The following POR variants were observed in gnomAD, a reference collection of about 807,000 sequenced individuals.
POR encodes the protein NADPH--cytochrome P450 reductase.
In POR, 56 loss-of-function variants were observed where a neutral mutation model predicts 84.0. The observed-to-expected ratio is 0.67, with a 90% CI of 0.54 to 0.83. The LOEUF (loss-of-function observed/expected upper bound fraction) is 0.83. Ranked by LOEUF, POR falls within the 40% of genes least tolerant of loss-of-function variation. The pLI, the probability that POR is intolerant of heterozygous loss-of-function variation, is 0.00. For missense variants in POR, 938 were observed against 944.3 expected (o/e 0.99, Z 0.09); for synonymous variants, 414 against 400.5 (o/e 1.03, Z -0.40).
chr7:75,971,251 A>G (rs1788428445), intron 2 of POR, among the ~76,000 whole-genome samples: 1 of 152,086 alleles, frequency 6.6e-6, no homozygotes, highest in East Asian at 1.9e-4. Flanking sequence ...ATGAGCCACT[A>G]TGCCCGACCA....
At chr7:75,951,406 TAAAAA>T (rs1218298476) in intron 1 of POR, among the ~76,000 whole-genome samples, 2 of 150,928 alleles carry the variant, frequency 1.3e-5, no homozygotes, top group Non-Finnish European at 3.0e-5. Context: ...AAAAATAAAA[TAAAAA>T]AGAAAGAAAA....
intron 1 of POR, among the ~76,000 whole-genome samples, chr7:75,934,939 G>T (rs1807593781): frequency 6.6e-6 from 1 of 152,210 alleles, no homozygotes; most frequent in South Asian, 2.1e-4. Context: ...AGAACCTCTG[G>T]TAGGAGAGGA....
intron 1 of POR, chr7:75,946,861 C>G (rs1554552187): frequency 6.6e-6 from 1 of 152,262 alleles, no homozygotes; most frequent in Non-Finnish European, 1.5e-5. Context: ...ATTGTAGGGA[C>G]TGCCTGACCC....
At position 75,955,861 on chromosome 7, in the gene POR, C is replaced by T. The variant is rs149433763; in HGVS notation, c.188+1681C>T. ...AGGCTGGGCATGGTGAAGCATGCCGCTCACATCAAATCCCGATTCCCTATT... is the reference window on the plus strand; with the variant it reads ...AGGCTGGGCATGGTGAAGCATGCCGTTCACATCAAATCCCGATTCCCTATT... On this transcript the variant is annotated intron_variant, in intron 2 of 15. Transcript: ENST00000461988. Among the ~76,000 whole-genome samples, 8 of 152,334 alleles carry T rather than the reference C, an allele frequency of 5.3e-5. No individual in the cohort carries two copies. The East Asian group carries it at 1.5e-3, about 29-fold the overall frequency.
At chr7:75,915,938 G>A (rs1168684338) in intron 1 of POR, among the ~76,000 whole-genome samples, 3 of 152,192 alleles carry the variant, frequency 2.0e-5, no homozygotes, top group Non-Finnish European at 4.4e-5. Context: ...TGTGTAAACT[G>A]GTGACCACTA....
chr7:75,973,308 T>A (rs1788522563), intron 3 of POR, among the ~76,000 whole-genome samples: 3 of 152,100 alleles, frequency 2.0e-5, no homozygotes, highest in African/African-American at 7.2e-5. Context: ...ATTTTTAATT[T>A]AAAAAAACCT....
chr7:75,982,368 T>TG (rs1486115854), intron 8 of POR, 46 bp downstream of exon 8: 1 of 1,459,656 alleles, frequency 6.9e-7, no homozygotes, highest in Non-Finnish European at 9.5e-7. Context: ...CTATGGCCAC[T>TG]GGTGCACCCC....
At position 75,985,063 on chromosome 7, in the gene POR, G is replaced by A; in HGVS notation, c.1254G>A (p.Leu418=). Residue 418 remains leucine, a synonymous_variant, in exon 12 of 16, where the codon CTG becomes CTA. Transcript: ENST00000461988. ...CTCACCCCCGTGTCTCTTAGGAGCT[G>A]TACCTGAGCTGGGTGGTGGAGGCCC... The A allele has an allele frequency of 1.3e-6, 2 of 1,598,280 alleles. No individual in the cohort carries two copies. The highest frequency in any genetic ancestry group is 1.7e-6 in the Non-Finnish European group (2 of 1,178,330).
At chr7:75,978,463 G>A (rs1357628589) in intron 3 of POR, among the ~76,000 whole-genome samples, 2 of 152,084 alleles carry the variant, frequency 1.3e-5, no homozygotes, top group Admixed American at 1.3e-4. Flanking sequence ...GAGGATGTGT[G>A]TAGGCTACAC....
chr7:75,933,393 T>G (rs1189371179), intron 1 of POR, among the ~76,000 whole-genome samples: 20 of 94,916 alleles, frequency 2.1e-4, no homozygotes, highest in African/African-American at 6.6e-4. Flanking sequence ...TTTTTTTTTT[T>G]TTTTTTTTTT....
chr7:75,943,501 A>G (rs1474942042), intron 1 of POR, among the ~76,000 whole-genome samples: 6 of 152,176 alleles, frequency 3.9e-5, no homozygotes, highest in African/African-American at 7.2e-5. Flanking sequence ...CCCTTGTTCG[A>G]TCACATATAA....
Position 75,981,104 on chromosome 7 carries a change from G to A in POR, c.573G>A (p.Val191=), listed in dbSNP as rs782219120. ...ACTTCAATGCCATGGGCAAGTACGTGGACAAGCGGCTGGAGCAGCTCGGCG... is the reference window on the plus strand; with the variant it reads ...ACTTCAATGCCATGGGCAAGTACGTAGACAAGCGGCTGGAGCAGCTCGGCG... Residue 191 remains valine, a synonymous_variant, in exon 6 of 16, where the codon GTG becomes GTA. Transcript: ENST00000461988. 2 of 1,569,738 alleles carry A rather than the reference G, an allele frequency of 1.3e-6. No individual in the cohort carries two copies. The highest frequency in any genetic ancestry group is 1.7e-6 in the Non-Finnish European group (2 of 1,158,314).
At chr7:75,985,359 G>A in intron 12 of POR, 152 bp downstream of exon 12, 1 of 1,185,212 alleles carries the variant, frequency 8.4e-7, no homozygotes, top group Non-Finnish European at 1.1e-6. Flanking sequence ...CCAGGCTGTG[G>A]ACTCAGTCGG....
chr7:75,951,052 C>T (rs1425202725), intron 1 of POR, among the ~76,000 whole-genome samples: 3 of 77,312 alleles, frequency 3.9e-5, no homozygotes, highest in Admixed American at 3.1e-4. Context: ...GAGCGAGGCT[C>T]TGTCCCCCGG....
rs1030121108 is a variant in POR, at chr7:75,985,311, G to C, written c.1398+104G>C. 1.9e-5 allele frequency: 26 copies of C among 1,391,268 alleles called. No individual in the cohort carries two copies. In the East Asian group the frequency reaches 6.3e-4, roughly 34 times the overall value. 86.2% of individuals were successfully genotyped at this position (1,391,268 alleles called of 1,614,324 possible). A position where few individuals can be genotyped will look rare whatever the true frequency, so the allele number is the denominator to read the frequency against. On this transcript the variant is annotated intron_variant, in intron 12 of 15. Transcript: ENST00000461988. ...AGGAGCTCCGAGATCTGAGCCCTGA[G>C]CTCCAGTTCCAGCCCCAGCGCAGCT...
At chr7:75,984,315 G>T (rs939888062) in intron 10 of POR, among the ~76,000 whole-genome samples, 2 of 152,174 alleles carry the variant, frequency 1.3e-5, no homozygotes, top group African/African-American at 2.4e-5. Context: ...GCCTGGTGGG[G>T]CTGCCCAGCC....
At chr7:75,929,999 G>T (rs1807330242) in intron 1 of POR, among the ~76,000 whole-genome samples, 2 of 152,136 alleles carry the variant, frequency 1.3e-5, no homozygotes. Flanking sequence ...GTCCCACAAG[G>T]TCTTTAAATC....
chr7:75,931,998 C>G (rs1402314850), intron 1 of POR, among the ~76,000 whole-genome samples: 2 of 152,178 alleles, frequency 1.3e-5, no homozygotes, highest in African/African-American at 2.4e-5. Flanking sequence ...GGCCTCTGTG[C>G]ACACAGTGCT....
At chr7:75,928,346 G>C (rs575692556) in intron 1 of POR, among the ~76,000 whole-genome samples, 2 of 152,296 alleles carry the variant, frequency 1.3e-5, no homozygotes, top group East Asian at 1.9e-4. Flanking sequence ...TGTGCCTCCA[G>C]TTCCCTGTCA....
Sources: allele counts gnomAD v4.1 joint callset (sites outside exome capture counted in the v4.1 genomes callset), GRCh38; gene constraint gnomAD v4.1.1; transcripts MANE v1.5; gene names NCBI Gene and HGNC (gene_info 2026-07-23, HGNC 2026-07-21).